PTPRK: variants seen among roughly 807,000 people sequenced by gnomAD.
The protein encoded by PTPRK is receptor-type tyrosine-protein phosphatase kappa.
In PTPRK, 75 loss-of-function variants were observed where a neutral mutation model predicts 178.0. The observed-to-expected ratio is 0.42, with a 90% CI of 0.35 to 0.51. The LOEUF (loss-of-function observed/expected upper bound fraction) is 0.51, where lower values mean the gene tolerates loss of function less well. Among genes scored for constraint, PTPRK ranks in the 20% least tolerant of loss-of-function variants. The probability of loss-of-function intolerance (pLI) is 0.02; values close to 1 mark genes in which losing one functional copy is unlikely to be tolerated. For synonymous variants in PTPRK, 637 were observed against 620.6 expected, an observed-to-expected ratio of 1.03 and a Z score of -0.39; for missense variants, 1,441 against 1,797.8, an observed-to-expected ratio of 0.80 and a Z score of 3.59.
At chr6:128,177,624 A>G (rs991872088) in intron 7 of PTPRK, among the ~76,000 whole-genome samples, 5 of 151,842 alleles carry the variant, frequency 3.3e-5, no homozygotes, top group African/African-American at 7.2e-5. Context: ...ACTGCTACTG[A>G]TGATACCACC....
chr6:128,170,344 A>G (rs1055592316), intron 7 of PTPRK, among the ~76,000 whole-genome samples: 5 of 152,080 alleles, frequency 3.3e-5, no homozygotes, highest in African/African-American at 1.2e-4. Flanking sequence ...AGATAAGTCT[A>G]TTTCTATGTT....
intron 13 of PTPRK, among the ~76,000 whole-genome samples, chr6:128,013,662 C>A (rs1163982944): frequency 6.6e-6 from 1 of 151,392 alleles, no homozygotes; most frequent in African/African-American, 2.4e-5. Context: ...TGAAGGAAAA[C>A]AAAAACTGGA....
intron 1 of PTPRK, among the ~76,000 whole-genome samples, chr6:128,455,653 C>A (rs1848296290): frequency 6.6e-6 from 1 of 152,090 alleles, no homozygotes; most frequent in Non-Finnish European, 1.5e-5. Flanking sequence ...CTCCTTCCCT[C>A]TTGTTTTAAT....
At position 127,973,159 on chromosome 6, in the gene PTPRK, T is replaced by G; in HGVS notation, c.4134-2A>C. 6.2e-7 allele frequency: 1 copy of G among 1,613,726 alleles called. No individual in the cohort carries two copies. The highest frequency in any genetic ancestry group is 1.7e-5 in the Admixed American group (1 of 59,984). ...ATGCCACTTCGCCCGCCACCATTTC[T>G]GAAAGCAAAGAAAGCAAAGGCATTT... On this transcript the variant is annotated splice_acceptor_variant, in intron 28 of 29. Transcript: ENST00000368226. LOFTEE classifies it high-confidence loss of function.
intron 3 of PTPRK, among the ~76,000 whole-genome samples, chr6:128,284,517 C>T (rs1348892867): frequency 2.0e-5 from 3 of 152,176 alleles, no homozygotes; most frequent in African/African-American, 7.2e-5. Flanking sequence ...CAAATGTTCA[C>T]TCAATGAAAA....
intron 7 of PTPRK, among the ~76,000 whole-genome samples, chr6:128,156,087 AT>A (rs1371575375): frequency 6.6e-6 from 1 of 151,644 alleles, no homozygotes; most frequent in African/African-American, 2.4e-5. Context: ...TTTTGACTAC[AT>A]TTTTTTCTCA....
intron 14 of PTPRK, among the ~76,000 whole-genome samples, chr6:128,008,418 C>G (rs1422169425): frequency 1.3e-5 from 2 of 150,832 alleles, no homozygotes; most frequent in Admixed American, 1.3e-4. Flanking sequence ...GTTTCCAAGA[C>G]AATGCCTTAC....
intron 2 of PTPRK, among the ~76,000 whole-genome samples, chr6:128,353,620 T>TATAC (rs926292175): frequency 5.3e-5 from 8 of 152,108 alleles, no homozygotes; most frequent in Non-Finnish European, 7.4e-5. Flanking sequence ...ATACATACCA[T>TATAC]ATACATACAT....
At chr6:128,513,847 T>C (rs555813437) in intron 1 of PTPRK, among the ~76,000 whole-genome samples, 1 of 152,326 alleles carries the variant, frequency 6.6e-6, no homozygotes, top group East Asian at 1.9e-4. Flanking sequence ...AGGAATCCAA[T>C]GACCATGAAG....
At chr6:128,481,481 T>C (rs1386652520) in intron 1 of PTPRK, among the ~76,000 whole-genome samples, 2 of 152,180 alleles carry the variant, frequency 1.3e-5, no homozygotes, top group Non-Finnish European at 2.9e-5. Flanking sequence ...GAATGGAAAC[T>C]CACTCTTTAA....
intron 7 of PTPRK, among the ~76,000 whole-genome samples, chr6:128,180,799 C>A (rs1801794746): frequency 6.6e-6 from 1 of 152,046 alleles, no homozygotes; most frequent in African/African-American, 2.4e-5. Context: ...CATGCAGACT[C>A]TATTTTTTAA....
chr6:128,077,219 T>C (rs923741508), intron 11 of PTPRK, among the ~76,000 whole-genome samples: 2 of 151,990 alleles, frequency 1.3e-5, no homozygotes, highest in African/African-American at 4.8e-5. Flanking sequence ...TACTTGTCAA[T>C]AGGAAAAGAT....
At chr6:127,978,101 G>T (rs1026503561) in intron 25 of PTPRK, among the ~76,000 whole-genome samples, 3 of 152,152 alleles carry the variant, frequency 2.0e-5, no homozygotes, top group African/African-American at 7.2e-5. Flanking sequence ...AAGACTGCAG[G>T]ATAAATCTGA....
chr6:128,239,356 T>C (rs11961542), intron 5 of PTPRK, among the ~76,000 whole-genome samples: 14,538 of 152,136 alleles, frequency 0.096, 1,526 homozygotes, highest in East Asian at 0.34. Flanking sequence ...TCCCAGCCCC[T>C]AGCACCCTAG....
intron 13 of PTPRK, 102 bp from the exon 14 acceptor site, chr6:128,009,370 T>C (rs900942458): frequency 1.7e-5 from 18 of 1,040,956 alleles, no homozygotes; most frequent in Non-Finnish European, 2.2e-5. Context: ...TTGTTTATTG[T>C]ATATTAATAA....
In PTPRK at chr6:127,985,761, A is replaced by C; in HGVS notation, c.3211T>G (p.Ser1071Ala). The change falls in exon 22 of 30, where the codon TCA becomes GCA. Residue 1071 changes from serine (S) to alanine (A), a missense_variant. Coordinates refer to ENST00000368226, the MANE Select transcript of PTPRK (RefSeq NM_002844.4). ...LLSFIRRVKLSNPPSAGPIVV... is the reference protein window; with the variant it reads ...LLSFIRRVKLANPPSAGPIVV... Reference sequence around the variant, plus strand: ...ATGGGGCCAGCACTGGGAGGGTTTGATAACTTGACTCGCCGGATAAAGGAA... The same window carrying C: ...ATGGGGCCAGCACTGGGAGGGTTTGCTAACTTGACTCGCCGGATAAAGGAA... 1 of 1,614,004 alleles carries C rather than the reference A, an allele frequency of 6.2e-7. No individual in the cohort carries two copies. The highest frequency in any genetic ancestry group is 8.5e-7 in the Non-Finnish European group (1 of 1,179,926).
chr6:128,300,296 C>T (rs1022219175), intron 3 of PTPRK, among the ~76,000 whole-genome samples: 4 of 152,064 alleles, frequency 2.6e-5, no homozygotes, highest in African/African-American at 4.8e-5. Context: ...AGTTCAACCC[C>T]TGTGGAAGTC....
chr6:128,218,562 G>A (rs1286237495), intron 6 of PTPRK, among the ~76,000 whole-genome samples: 3 of 152,170 alleles, frequency 2.0e-5, no homozygotes, highest in Non-Finnish European at 2.9e-5. Flanking sequence ...TTGCCACAAT[G>A]CTTCAAAGAA....
rs1828911977 is a variant in PTPRK at position 128,322,317 on chromosome 6, T to C, written c.224-7A>G. The C allele has an allele frequency of 1.0e-5, 16 of 1,554,020 alleles. No individual in the cohort carries two copies. Among genetic ancestry groups the C allele is most frequent in the Middle Eastern group, 1.7e-4 (1 of 5,928 alleles). On this transcript the variant is annotated splice_region_variant and splice_polypyrimidine_tract_variant and intron_variant, in intron 2 of 29. Transcript: ENST00000368226. ...TCCACTATCATATAGGAACCTGAAA[T>C]GACATTACAAATAATAATGCTAAAG...
Sources: allele counts gnomAD v4.1 joint callset (sites outside exome capture counted in the v4.1 genomes callset), GRCh38; gene constraint gnomAD v4.1.1; transcripts MANE v1.5; gene names NCBI Gene and HGNC (gene_info 2026-07-23, HGNC 2026-07-21).